The following SBNO1 variants were observed in gnomAD, a reference collection of about 807,000 sequenced individuals.
The protein encoded by SBNO1 is protein strawberry notch homolog 1.
In SBNO1, 23 loss-of-function variants were observed where a neutral mutation model predicts 173.6. That is an observed-to-expected ratio of 0.13 (90% confidence interval 0.10 to 0.19). The LOEUF (loss-of-function observed/expected upper bound fraction) is 0.19, where lower values mean the gene tolerates loss of function less well. Ranked by LOEUF, SBNO1 falls within the 10% of genes least tolerant of loss-of-function variation. The probability of loss-of-function intolerance (pLI) is 1.00; values close to 1 mark genes in which losing one functional copy is unlikely to be tolerated. For missense variants in SBNO1, 1,238 were observed against 1,671.2 expected, an observed-to-expected ratio of 0.74 and a Z score of 4.52; for synonymous variants, 632 against 571.5, an observed-to-expected ratio of 1.11 and a Z score of -1.51.
At chr12:123,331,525 T>C in intron 7 of SBNO1, 150 bp from the exon 8 acceptor site, 1 of 804,132 alleles carries the variant, frequency 1.2e-6, no homozygotes, top group Non-Finnish European at 1.9e-6. Context: ...TTCATAGAGT[T>C]TTGGATTTTT....
At chr12:123,345,641 T>G in intron 3 of SBNO1, 71 bp from the exon 4 acceptor site, 3 of 1,283,410 alleles carry the variant, frequency 2.3e-6, no homozygotes, top group East Asian at 2.4e-5. Context: ...TCCACAAACC[T>G]GGAAGGACAA....
chr12:123,329,418 T>C (rs1314410178), intron 9 of SBNO1, among the ~76,000 whole-genome samples: 1 of 151,318 alleles, frequency 6.6e-6, no homozygotes, highest in African/African-American at 2.4e-5. Flanking sequence ...TCTTAAAAAC[T>C]TTTATCATCA....
At chr12:123,341,531 T>C (rs1162931905) in intron 4 of SBNO1, among the ~76,000 whole-genome samples, 1 of 152,154 alleles carries the variant, frequency 6.6e-6, no homozygotes, top group Non-Finnish European at 1.5e-5. Context: ...TTTATTTTTA[T>C]TTATTTATTT....
At chr12:123,351,934 G>A (rs1289901669) in intron 1 of SBNO1, among the ~76,000 whole-genome samples, 1 of 152,086 alleles carries the variant, frequency 6.6e-6, no homozygotes, top group African/African-American at 2.4e-5. Flanking sequence ...TAAACACCGA[G>A]CCCAGAAGAC....
At chr12:123,330,210 C>T (rs1268411735) in intron 9 of SBNO1, among the ~76,000 whole-genome samples, 3 of 152,166 alleles carry the variant, frequency 2.0e-5, no homozygotes, top group Non-Finnish European at 2.9e-5. Context: ...TGTTCAATAG[C>T]CACATGTGAT....
intron 16 of SBNO1, 54 bp from the exon 17 acceptor site, chr12:123,321,786 C>A: frequency 7.4e-7 from 1 of 1,351,420 alleles, no homozygotes; most frequent in Non-Finnish European, 1.1e-6. Context: ...TTCTTAAGAT[C>A]CAGTACATCA....
At chr12:123,302,789 T>C in intron 30 of SBNO1, 35 bp downstream of exon 30, 1 of 1,441,866 alleles carries the variant, frequency 6.9e-7, no homozygotes, top group Non-Finnish European at 9.8e-7. Flanking sequence ...CAATTAAATT[T>C]TGGAAAATTT....
At chr12:123,354,057 A>C (rs1874166145) in intron 1 of SBNO1, among the ~76,000 whole-genome samples, 2 of 152,218 alleles carry the variant, frequency 1.3e-5, no homozygotes, top group Non-Finnish European at 2.9e-5. Flanking sequence ...TCAGTTCATG[A>C]GAGCTTTCTG....
At chr12:123,336,631 C>T (rs928388678) in intron 5 of SBNO1, 140 bp from the exon 6 acceptor site, 17 of 603,646 alleles carry the variant, frequency 2.8e-5, no homozygotes, top group Middle Eastern at 2.6e-4. Context: ...TCCCTAAAAT[C>T]TGGGCCACAC....
At chr12:123,308,921 T>G (rs2048988188) in intron 28 of SBNO1, among the ~76,000 whole-genome samples, 1 of 152,006 alleles carries the variant, frequency 6.6e-6, no homozygotes, top group African/African-American at 2.4e-5. Flanking sequence ...CTGACCAAAG[T>G]GAAGAAACCC....
At chr12:123,308,768 G>A (rs1435766937) in intron 28 of SBNO1, among the ~76,000 whole-genome samples, 1 of 152,120 alleles carries the variant, frequency 6.6e-6, no homozygotes, top group Non-Finnish European at 1.5e-5. Context: ...AGGAGTTCGA[G>A]ACCAGCCTGG....
At chr12:123,344,335 C>T (rs1872870337) in intron 4 of SBNO1, among the ~76,000 whole-genome samples, 2 of 152,150 alleles carry the variant, frequency 1.3e-5, no homozygotes, top group East Asian at 1.9e-4. Context: ...TGCCAGGTTG[C>T]AGTCAGTTCA....
chr12:123,295,665 C>T lies in SBNO1; in HGVS notation c.*243G>A, dbSNP rs994930098. ...ACACACACATCCCCCTCTGCTCACC[C>T]GAAGTAAAAGCAGATGGGAATTATC... On this transcript the variant is annotated 3_prime_UTR_variant, in exon 32 of 32. Coordinates refer to ENST00000602398, the MANE Select transcript of SBNO1 (RefSeq NM_001167856.3). The T allele has an allele frequency of 8.4e-6, 4 of 474,284 alleles. No individual in the cohort carries two copies. The highest frequency in any genetic ancestry group is 3.5e-5 in the East Asian group (1 of 28,366). 29.4% of individuals were successfully genotyped at this position (474,284 alleles called of 1,614,324 possible).
chr12:123,363,907 TCTC>T (rs1181480237), intron 1 of SBNO1: 3 of 985,200 alleles, frequency 3.0e-6, no homozygotes, highest in Non-Finnish European at 3.6e-6. Context: ...AACATCCAAA[TCTC>T]CTCAGCGGTT....
At position 123,309,390 on chromosome 12, in the gene SBNO1, T is replaced by G. The variant is rs2049000687; in HGVS notation, c.3550A>C (p.Arg1184=). The change falls in exon 28 of 32, where the codon AGG becomes CGG. Residue 1184 remains arginine, a synonymous_variant. Coordinates refer to ENST00000602398, the MANE Select transcript of SBNO1 (RefSeq NM_001167856.3). ...HVELYTISVE[R]GMSWEEATKI... ...GTAGCTTCCTCCCATGACATTCCCC[T>G]CTCTACACTAATCTGTAAGAGAAAC... 3.7e-6 allele frequency: 6 copies of G among 1,613,964 alleles called. No individual in the cohort carries two copies. Among genetic ancestry groups the G allele is most frequent in the Non-Finnish European group, 5.1e-6 (6 of 1,179,826 alleles).
At chr12:123,302,767 G>A (rs2048827758) in intron 30 of SBNO1, 57 bp downstream of exon 30, 3 of 1,003,756 alleles carry the variant, frequency 3.0e-6, no homozygotes, top group Non-Finnish European at 3.2e-6. Context: ...GAGTGAAGGT[G>A]TATTTAAATC....
intron 24 of SBNO1, among the ~76,000 whole-genome samples, chr12:123,312,914 C>T (rs996454360): frequency 6.6e-6 from 1 of 151,888 alleles, no homozygotes; most frequent in Non-Finnish European, 1.5e-5. Context: ...ATTTTAAAAG[C>T]TATTTGGGGC....
In SBNO1 at chr12:123,320,586, T is replaced by G. The variant is rs371938704; in HGVS notation, c.2513A>C (p.Asn838Thr). ...ATCCTGACTTGTTATAAGGCTACTG[T>G]TACTGTTGGTGTTACTGTTAGCTAG... is the stretch of plus-strand genomic sequence containing the variant. Reference protein sequence around the residue: ...STPANSNTNSNSSLITSQDAV... With the variant: ...STPANSNTNSTSSLITSQDAV... The change falls in exon 19 of 32, where the codon AAC becomes ACC. Residue 838 changes from asparagine to threonine, a missense_variant. By Grantham distance (65) the Asn-to-Thr change is moderately conservative. Transcript: ENST00000602398. 7 of 1,613,422 alleles carry G rather than the reference T, an allele frequency of 4.3e-6. No individual in the cohort carries two copies. In the African/African-American group the frequency reaches 6.7e-5, roughly 15 times the overall value.
intron 1 of SBNO1, among the ~76,000 whole-genome samples, chr12:123,354,561 T>C (rs1593417234): frequency 6.6e-6 from 1 of 152,316 alleles, no homozygotes; most frequent in East Asian, 1.9e-4. Flanking sequence ...CCTTAGTATG[T>C]AATTATATTT....
Sources: gnomAD v4.1 joint callset for allele counts (sites outside exome capture counted in the v4.1 genomes callset) on GRCh38, gnomAD v4.1.1 for gene constraint, MANE v1.5 for transcripts, NCBI Gene and HGNC (gene_info 2026-07-23, HGNC 2026-07-21) for gene names.